The following SYNJ2BP variants were observed in gnomAD, a reference collection of about 807,000 sequenced individuals.
The protein encoded by SYNJ2BP is synaptojanin 2 binding protein, also known as synaptojanin-2-binding protein.
In SYNJ2BP, 10 loss-of-function variants were observed where a neutral mutation model predicts 16.9. The observed-to-expected ratio is 0.59, with a 90% confidence interval of 0.36 to 1.00. The LOEUF (loss-of-function observed/expected upper bound fraction) is 1.00, where lower values mean the gene tolerates loss of function less well. Ranked by LOEUF, SYNJ2BP falls within the 50% of genes least tolerant of loss-of-function variation. SYNJ2BP has a pLI of 0.01. For synonymous variants in SYNJ2BP, 54 were observed against 68.4 expected (o/e 0.79, Z 1.04); for missense variants, 162 against 186.7 (o/e 0.87, Z 0.77).
chr14:70,392,549 G>A (rs1334971222), intron 1 of SYNJ2BP, among the ~76,000 whole-genome samples: 1 of 152,170 alleles, frequency 6.6e-6, no homozygotes, highest in Admixed American at 6.5e-5. Flanking sequence ...TAAGGCGCTA[G>A]GAGTAGTTGT....
intron 1 of SYNJ2BP, among the ~76,000 whole-genome samples, chr14:70,403,186 A>C (rs772016454): frequency 6.6e-6 from 1 of 152,218 alleles, no homozygotes; most frequent in African/African-American, 2.4e-5. Flanking sequence ...CTGGTAGTCT[A>C]AACAGGGAGA....
chr14:70,409,938 C>T (rs929144459), intron 1 of SYNJ2BP, among the ~76,000 whole-genome samples: 13 of 137,174 alleles, frequency 9.5e-5, no homozygotes, highest in African/African-American at 2.5e-4. Context: ...AGTGAGATCT[C>T]GTCTCTACAA....
intron 2 of SYNJ2BP, among the ~76,000 whole-genome samples, chr14:70,387,667 T>C (rs1193880400): frequency 1.3e-5 from 2 of 151,898 alleles, no homozygotes; most frequent in Non-Finnish European, 2.9e-5. Context: ...CTGTCTATAC[T>C]AAAAATATAA....
chr14:70,398,897 G>GGCTATAGGC (rs1888167059), intron 1 of SYNJ2BP, among the ~76,000 whole-genome samples: 1 of 152,170 alleles, frequency 6.6e-6, no homozygotes, highest in African/African-American at 2.4e-5. Flanking sequence ...ACTCACTGTC[G>GGCTATAGGC]CTTGGCTCAC....
At chr14:70,380,391 T>C (rs148665334) in intron 2 of SYNJ2BP, among the ~76,000 whole-genome samples, 5 of 152,230 alleles carry the variant, frequency 3.3e-5, no homozygotes, top group East Asian at 1.9e-4. Context: ...AGGCCAGGCA[T>C]GGTGGCTCAC....
At chr14:70,400,693 T>A (rs1017126763) in intron 1 of SYNJ2BP, among the ~76,000 whole-genome samples, 1 of 152,230 alleles carries the variant, frequency 6.6e-6, no homozygotes. Context: ...TGCCTTCTTA[T>A]ACTTTTACTA....
In SYNJ2BP at chr14:70,367,274, T is replaced by C. The variant is rs1453357498; in HGVS notation, c.*5717A>G. Reference sequence around the variant, plus strand: ...AGTGCTTTGTGTTCTGTATATAAATTACATAATACAAGAGTCTGTGGCAGT... The same window carrying C: ...AGTGCTTTGTGTTCTGTATATAAATCACATAATACAAGAGTCTGTGGCAGT... On this transcript the variant is annotated 3_prime_UTR_variant, in exon 4 of 4. Coordinates refer to ENST00000256366, the MANE Select transcript of SYNJ2BP (RefSeq NM_018373.3). 6.6e-6 allele frequency: 1 copy of C among 152,128 alleles called. No individual in the cohort carries two copies. The highest frequency in any genetic ancestry group is 1.5e-5 in the Non-Finnish European group (1 of 68,026). 9.4% of individuals were successfully genotyped at this position (152,128 alleles called of 1,614,324 possible).
intron 2 of SYNJ2BP, among the ~76,000 whole-genome samples, chr14:70,378,681 T>C (rs1887685326): frequency 6.6e-6 from 1 of 152,216 alleles, no homozygotes; most frequent in African/African-American, 2.4e-5. Flanking sequence ...TCTAACACTA[T>C]GACATCTCTC....
At chr14:70,394,848 T>A (rs949987538) in intron 1 of SYNJ2BP, among the ~76,000 whole-genome samples, 3 of 152,190 alleles carry the variant, frequency 2.0e-5, no homozygotes, top group Non-Finnish European at 4.4e-5. Flanking sequence ...ACACAAGTAC[T>A]CATTTTTCAA....
chr14:70,405,054 G>A (rs1888318158), intron 1 of SYNJ2BP, among the ~76,000 whole-genome samples: 1 of 152,114 alleles, frequency 6.6e-6, no homozygotes, highest in South Asian at 2.1e-4. Flanking sequence ...CAAAGCCCAG[G>A]AGGATGAGGC....
At chr14:70,399,420 C>G (rs1333554435) in intron 1 of SYNJ2BP, among the ~76,000 whole-genome samples, 1 of 152,222 alleles carries the variant, frequency 6.6e-6, no homozygotes, top group Non-Finnish European at 1.5e-5. Context: ...GCCTCCTCCC[C>G]ACACTCTCCC....
chr14:70,370,872 TG>T lies in SYNJ2BP; in HGVS notation c.*2118del, dbSNP rs1270650680. Reference sequence around the variant, plus strand: ...TCAGTAACTTTTCTCTTTTGCTGTCTGTAATATAAACATGACCCCTACTTAC... The same window carrying T: ...TCAGTAACTTTTCTCTTTTGCTGTCTTAATATAAACATGACCCCTACTTAC... On this transcript the variant is annotated 3_prime_UTR_variant, in exon 4 of 4. Coordinates refer to ENST00000256366, the MANE Select transcript of SYNJ2BP (RefSeq NM_018373.3). The T allele has an allele frequency of 6.6e-6, 1 of 152,240 alleles. No individual in the cohort carries two copies. The highest frequency in any genetic ancestry group is 1.5e-5 in the Non-Finnish European group (1 of 68,060). 9.4% of individuals were successfully genotyped at this position (152,240 alleles called of 1,614,324 possible). A position where few individuals can be genotyped will look rare whatever the true frequency, so the allele number is the denominator to read the frequency against.
chr14:70,392,182 T>C (rs1033194629), intron 1 of SYNJ2BP, among the ~76,000 whole-genome samples: 4 of 152,258 alleles, frequency 2.6e-5, no homozygotes, highest in East Asian at 3.8e-4. Flanking sequence ...CTTTAAGATA[T>C]TGCAGAAGCA....
At chr14:70,393,877 G>A (rs920136571) in intron 1 of SYNJ2BP, among the ~76,000 whole-genome samples, 2 of 151,302 alleles carry the variant, frequency 1.3e-5, no homozygotes, top group African/African-American at 4.9e-5. Context: ...CCTAGATAAC[G>A]GGTTGATAGT....
chr14:70,416,326 T>C lies in SYNJ2BP; in HGVS notation c.64+574A>G, dbSNP rs958954852. Among the ~76,000 whole-genome samples the C allele has an allele frequency of 1.9e-3, 282 of 151,606 alleles. 1 individual carries two copies. Among genetic ancestry groups the C allele is most frequent in the African/African-American group, 6.0e-3 (247 of 41,460 alleles). On this transcript the variant is annotated intron_variant, in intron 1 of 3. Coordinates refer to ENST00000256366, the MANE Select transcript of SYNJ2BP (RefSeq NM_018373.3). ...TTTAACTTTTTATTTTCTTTTTTTT[T>C]TTTTTTTTTAAAGCCCTGGGTAATT...
At chr14:70,398,112 G>C (rs1179403083) in intron 1 of SYNJ2BP, among the ~76,000 whole-genome samples, 3 of 148,412 alleles carry the variant, frequency 2.0e-5, no homozygotes, top group African/African-American at 4.9e-5. Context: ...AGAGAGGGTA[G>C]CTCCTCTCTG....
At position 70,370,125 on chromosome 14, in the gene SYNJ2BP, C is replaced by T. The variant is rs1887486087; in HGVS notation, c.*2866G>A. On this transcript the variant is annotated 3_prime_UTR_variant, in exon 4 of 4. Coordinates refer to ENST00000256366, the MANE Select transcript of SYNJ2BP (RefSeq NM_018373.3). ...AAGAGTACATCAGAATCTCTATTATCAACCAAAGCAAAACTTCTACCAACG... is the reference window on the plus strand; with the variant it reads ...AAGAGTACATCAGAATCTCTATTATTAACCAAAGCAAAACTTCTACCAACG... The T allele has an allele frequency of 6.6e-6, 1 of 152,180 alleles. No individual in the cohort carries two copies. Among genetic ancestry groups the T allele is most frequent in the Admixed American group, 6.5e-5 (1 of 15,280 alleles). The allele number at this position is 152,180 out of a possible 1,614,324, so 9.4% of individuals were successfully genotyped here. A position where few individuals can be genotyped will look rare whatever the true frequency, so the allele number is the denominator to read the frequency against.
chr14:70,403,968 C>A (rs1382450509), intron 1 of SYNJ2BP, among the ~76,000 whole-genome samples: 1 of 152,036 alleles, frequency 6.6e-6, no homozygotes, highest in African/African-American at 2.4e-5. Flanking sequence ...AAAAATAAGA[C>A]TACTTTGTTG....
chr14:70,379,297 G>A (rs1344055241), intron 2 of SYNJ2BP, among the ~76,000 whole-genome samples: 1 of 152,172 alleles, frequency 6.6e-6, no homozygotes, highest in Middle Eastern at 3.2e-3. Flanking sequence ...TGGGGAGCAA[G>A]GAAAGAGTAC....
Sources: gnomAD v4.1 joint callset for allele counts (sites outside exome capture counted in the v4.1 genomes callset) on GRCh38, gnomAD v4.1.1 for gene constraint, MANE v1.5 for transcripts, NCBI Gene and HGNC (gene_info 2026-07-23, HGNC 2026-07-21) for gene names.